Variants in CDON observed in about 807,000 individuals in gnomAD.
CDON encodes cell adhesion molecule-related/down-regulated by oncogenes.
Under a neutral mutation model 120.9 loss-of-function variants are expected in CDON, and 73 were observed. The observed-to-expected ratio is 0.60, with a 90% CI of 0.50 to 0.73. CDON has a LOEUF of 0.73. Ranked by LOEUF, CDON falls within the 30% of genes least tolerant of loss-of-function variation. The pLI is 0.00. For synonymous variants in CDON, 566 were observed against 573.5 expected (o/e 0.99, Z 0.19); for missense variants, 1,470 against 1,587.3 (o/e 0.93, Z 1.26).
At chr11:125,962,177 T>C (rs1945664751) in intron 18 of CDON, among the ~76,000 whole-genome samples, 179 bp from the exon 19 acceptor site, 1 of 152,208 alleles carries the variant, frequency 6.6e-6, no homozygotes, top group Non-Finnish European at 1.5e-5. Flanking sequence ...AAAATGATAG[T>C]GAAAGTGCCA....
chr11:126,006,073 G>A lies in CDON; in HGVS notation c.1553-16C>T. 1 of 1,612,344 alleles carries A rather than the reference G, an allele frequency of 6.2e-7. No individual in the cohort carries two copies. Among genetic ancestry groups the A allele is most frequent in the African/African-American group, 1.3e-5 (1 of 75,024 alleles). Reference sequence around the variant, plus strand: ...TCAAAAGGAACTGCAGGGAGAGAGAGAGGAGACAGCTTGAAGATACTCCTC... The same window carrying A: ...TCAAAAGGAACTGCAGGGAGAGAGAAAGGAGACAGCTTGAAGATACTCCTC... On this transcript the variant is annotated splice_polypyrimidine_tract_variant and intron_variant, in intron 8 of 19. Transcript: ENST00000531738.
intron 18 of CDON, among the ~76,000 whole-genome samples, chr11:125,969,432 T>C (rs763919436): frequency 4.6e-5 from 7 of 152,208 alleles, no homozygotes; most frequent in Non-Finnish European, 7.3e-5. Flanking sequence ...ACAGGACAAA[T>C]GTCTGCAAAC....
At chr11:125,976,303 C>A (rs1156811822) in intron 18 of CDON, among the ~76,000 whole-genome samples, 1 of 152,122 alleles carries the variant, frequency 6.6e-6, no homozygotes, top group Non-Finnish European at 1.5e-5. Context: ...CATACAGTTG[C>A]TCCTGGGAGC....
chr11:125,962,820 G>T (rs925950783), intron 18 of CDON, among the ~76,000 whole-genome samples: 1 of 151,884 alleles, frequency 6.6e-6, no homozygotes, highest in African/African-American at 2.4e-5. Context: ...TCTGTTTATC[G>T]GCTGAAATTC....
intron 1 of CDON, among the ~76,000 whole-genome samples, chr11:126,047,878 C>A (rs529058990): frequency 4.0e-4 from 61 of 152,324 alleles, no homozygotes; most frequent in African/African-American, 1.4e-3. Flanking sequence ...CATTAATCTA[C>A]AAATTCTACA....
intron 1 of CDON, among the ~76,000 whole-genome samples, chr11:126,040,362 C>T (rs1948221891): frequency 6.6e-6 from 1 of 152,192 alleles, no homozygotes; most frequent in Non-Finnish European, 1.5e-5. Context: ...AAATACCTTG[C>T]ACAAAATGAG....
At chr11:126,046,631 T>C (rs1229275675) in intron 1 of CDON, among the ~76,000 whole-genome samples, 1 of 152,180 alleles carries the variant, frequency 6.6e-6, no homozygotes, top group African/African-American at 2.4e-5. Context: ...CATTTTCCGA[T>C]TCTACAACAC....
chr11:126,032,308 AAGGG>A (rs1422982155), intron 1 of CDON, among the ~76,000 whole-genome samples: 2 of 151,940 alleles, frequency 1.3e-5, no homozygotes, highest in Non-Finnish European at 2.9e-5. Flanking sequence ...GGAGTAGAGG[AAGGG>A]AGGAAGAGAA....
chr11:126,027,969 C>CTTTTTTTTTTTT (rs769832631), intron 1 of CDON, among the ~76,000 whole-genome samples: 1 of 125,782 alleles, frequency 8.0e-6, no homozygotes, highest in African/African-American at 3.0e-5. Context: ...ATCACTCTGC[C>CTTTTTTTTTTTT]TTTTTTTTTT....
rs564222684 is a variant in CDON at position 126,015,037 on chromosome 11, A to C, written c.1198+204T>G. On this transcript the variant is annotated intron_variant, in intron 7 of 19. Coordinates refer to ENST00000531738, the MANE Select transcript of CDON (RefSeq NM_001378964.1). ...AGAATCTGTTGAAAATTTTTTAAAA[A>C]CTTTTTTTAATGAGCTTGATTAATA... 55 of 601,918 alleles carry C rather than the reference A, an allele frequency of 9.1e-5. No individual in the cohort carries two copies. The East Asian group carries it at 1.5e-3, about 16-fold the overall frequency. The allele number at this position is 601,918 out of a possible 1,614,324, so 37.3% of individuals were successfully genotyped here.
At chr11:126,060,625 T>C (rs1408632989) in intron 1 of CDON, among the ~76,000 whole-genome samples, 1 of 152,012 alleles carries the variant, frequency 6.6e-6, no homozygotes, top group Non-Finnish European at 1.5e-5. Context: ...TACATGAAAT[T>C]GTCTACAAAG....
intron 11 of CDON, among the ~76,000 whole-genome samples, chr11:125,998,872 G>C (rs566767355): frequency 2.0e-5 from 3 of 152,192 alleles, no homozygotes; most frequent in Non-Finnish European, 2.9e-5. Context: ...GCCAACTCTG[G>C]GCCATGGTGA....
chr11:126,008,749 T>C (rs72472251), intron 8 of CDON, among the ~76,000 whole-genome samples: 28,919 of 152,116 alleles, frequency 0.19, 2,849 homozygotes, highest in East Asian at 0.24. Flanking sequence ...CCTAGAGGAA[T>C]AGAAATATAA....
At chr11:125,980,609 T>C (rs1478180607) in intron 17 of CDON, among the ~76,000 whole-genome samples, 3 of 152,212 alleles carry the variant, frequency 2.0e-5, no homozygotes, top group Non-Finnish European at 1.5e-5. Flanking sequence ...CCGCGGCTGC[T>C]TCCTGAAGAC....
intron 6 of CDON, among the ~76,000 whole-genome samples, chr11:126,015,771 T>C (rs1378228745): frequency 1.3e-5 from 2 of 152,194 alleles, no homozygotes; most frequent in Non-Finnish European, 2.9e-5. Flanking sequence ...CATACGCGAA[T>C]ACACACATAT....
rs758426969 is a variant in CDON, at chr11:126,017,269, C to T, written c.747G>A (p.Pro249=). The T allele has an allele frequency of 1.6e-5, 26 of 1,613,904 alleles. 1 individual carries two copies. The highest frequency in any genetic ancestry group is 1.3e-4 in the South Asian group (12 of 91,078). Residue 249 remains proline, a synonymous_variant, in exon 6 of 20, where the codon CCG becomes CCA. Transcript: ENST00000531738. The part of the protein sequence containing the change: ...VTLECVVSGV[P]APQVYWLKDG... ...CCTTTAGCCAATACACTTGAGGAGC[C>T]GGGACCCCACTCACCACACACTCCA...
At chr11:125,970,881 A>C (rs771894202) in intron 18 of CDON, among the ~76,000 whole-genome samples, 1 of 152,196 alleles carries the variant, frequency 6.6e-6, no homozygotes. Context: ...GGAGATATAT[A>C]ACTTCCCCAA....
At chr11:125,970,789 G>A (rs1023105478) in intron 18 of CDON, among the ~76,000 whole-genome samples, 9 of 152,096 alleles carry the variant, frequency 5.9e-5, no homozygotes, top group South Asian at 2.1e-4. Flanking sequence ...AGACACACAC[G>A]AGCTTATAAA....
rs776033302 is a variant in CDON, at chr11:125,981,146, A to G, written c.3179T>C (p.Ile1060Thr). ...CCCTCCATTTAGGCTCCCATTCACAATTCCATTGACTGCATTGGGGACCTT... is the reference window on the plus strand; with the variant it reads ...CCCTCCATTTAGGCTCCCATTCACAGTTCCATTGACTGCATTGGGGACCTT... ...HHKVPNAVNG[I>T]VNGSLNGGLY... The change falls in exon 17 of 20, where the codon ATT becomes ACT. Residue 1060 changes from isoleucine (I) to threonine (T), a missense_variant. Coordinates refer to ENST00000531738, the MANE Select transcript of CDON (RefSeq NM_001378964.1). 16 of 1,614,030 alleles carry G rather than the reference A, an allele frequency of 9.9e-6. No homozygotes were observed. Among genetic ancestry groups the G allele is most frequent in the Non-Finnish European group, 1.2e-5 (14 of 1,180,014 alleles).
Sources: gnomAD v4.1 joint callset for allele counts (sites outside exome capture counted in the v4.1 genomes callset) on GRCh38, gnomAD v4.1.1 for gene constraint, MANE v1.5 for transcripts, NCBI Gene and HGNC (gene_info 2026-07-23, HGNC 2026-07-21) for gene names.